The following CRB1 variants were observed in gnomAD, a reference collection of about 807,000 sequenced individuals.
CRB1 encodes crumbs cell polarity complex component 1, also known as protein crumbs homolog 1.
In CRB1, 83 loss-of-function variants were observed where a neutral mutation model predicts 120.0. The observed-to-expected ratio is 0.69, with a 90% CI of 0.58 to 0.83. CRB1 has a LOEUF of 0.83. Among genes scored for constraint, CRB1 ranks in the 40% least tolerant of loss-of-function variants. CRB1 has a pLI of 0.00. For synonymous variants in CRB1, 625 were observed against 612.5 expected (o/e 1.02, Z -0.30); for missense variants, 1,699 against 1,687.6 (o/e 1.01, Z -0.12).
At chr1:197,252,582 A>ATATGTGTGTGTGTGTGTGTGTG in the CRB1 span, among the ~76,000 whole-genome samples, 3 of 15,506 alleles carry the variant, frequency 1.9e-4, no homozygotes, top group Non-Finnish European at 4.2e-4. Flanking sequence ...ATATATATAT[A>ATATGTGTGTGTGTGTGTGTGTG]TGTGTGTGTG....
At position 197,462,531 on chromosome 1, in the gene CRB1, C is replaced by T. The variant is rs555374930; in HGVS notation, c.4006-15133C>T. Reference sequence around the variant, plus strand: ...GACTCCCTCAGTTTGCCCTGAAATACTCCCTTTGGTCCTAAAAACATTACG... The same window carrying T: ...GACTCCCTCAGTTTGCCCTGAAATATTCCCTTTGGTCCTAAAAACATTACG... On this transcript the variant is annotated intron_variant, in intron 11 of 11. Coordinates refer to ENST00000367400, the MANE Select transcript of CRB1 (RefSeq NM_201253.3). Among the ~76,000 whole-genome samples the T allele has an allele frequency of 4.6e-5, 7 of 152,248 alleles. 1 individual carries two copies. The highest frequency in any genetic ancestry group is 1.7e-4 in the African/African-American group (7 of 41,554).
the CRB1 span, among the ~76,000 whole-genome samples, chr1:197,202,047 T>C: frequency 2.6e-5 from 4 of 152,162 alleles, no homozygotes; most frequent in African/African-American, 9.7e-5. Flanking sequence ...ACTCGTATTA[T>C]GAAGCGCAAG....
intron 2 of CRB1, among the ~76,000 whole-genome samples, chr1:197,333,204 C>T (rs1326915135): frequency 6.6e-6 from 1 of 152,214 alleles, no homozygotes; most frequent in African/African-American, 2.4e-5. Flanking sequence ...AGGGTTCACA[C>T]TGCGTGAATT....
At chr1:197,285,644 AG>A (rs1655783797) in intron 1 of CRB1, among the ~76,000 whole-genome samples, 1 of 151,846 alleles carries the variant, frequency 6.6e-6, no homozygotes, top group South Asian at 2.1e-4. Flanking sequence ...ACTCTTCTTG[AG>A]GCATCGCAGT....
chr1:197,458,821 G>A (rs957580200), intron 11 of CRB1, among the ~76,000 whole-genome samples: 4 of 151,972 alleles, frequency 2.6e-5, no homozygotes, highest in Non-Finnish European at 4.4e-5. Flanking sequence ...TAGCTGTCAA[G>A]AAAAAAGAAA....
chr1:197,275,213 A>G (rs1558023013), intron 1 of CRB1, among the ~76,000 whole-genome samples: 1 of 152,070 alleles, frequency 6.6e-6, no homozygotes, highest in Non-Finnish European at 1.5e-5. Flanking sequence ...ACTTGATTAC[A>G]TCTGCAAAAA....
intron 5 of CRB1, among the ~76,000 whole-genome samples, chr1:197,388,307 A>G (rs960548963): frequency 2.7e-4 from 41 of 152,226 alleles, no homozygotes; most frequent in Middle Eastern, 6.8e-3. Context: ...AGTAGGGCAA[A>G]TGAATTTTCT....
intron 5 of CRB1, among the ~76,000 whole-genome samples, chr1:197,418,179 T>C (rs757390806): frequency 2.6e-5 from 4 of 152,228 alleles, no homozygotes; most frequent in Non-Finnish European, 5.9e-5. Context: ...ATACTTGTTA[T>C]TAATTTTTTT....
At chr1:197,255,192 G>T in the CRB1 span, among the ~76,000 whole-genome samples, 1 of 151,922 alleles carries the variant, frequency 6.6e-6, no homozygotes, top group Non-Finnish European at 1.5e-5. Context: ...TGCAAATCAA[G>T]GTGCACTGCC....
At chr1:197,208,454 G>A in the CRB1 span, among the ~76,000 whole-genome samples, 101 of 152,230 alleles carry the variant, frequency 6.6e-4, 2 homozygotes, top group South Asian at 0.021. Flanking sequence ...TAGGTATGTG[G>A]TTTCCTCAGA....
rs1019914833 is a variant in CRB1 at position 197,393,838 on chromosome 1, A to G, written c.1172-27162A>G. Among the ~76,000 whole-genome samples the G allele has an allele frequency of 9.9e-5, 15 of 152,208 alleles. No individual in the cohort carries two copies. In the East Asian group the frequency reaches 2.9e-3, roughly 29 times the overall value. ...TGCTTAAATCTATAAATGTATTTCA[A>G]TATGTATCGAGAAAACAGAATAAAG... is the stretch of plus-strand genomic sequence containing the variant. On this transcript the variant is annotated intron_variant, in intron 5 of 11. Coordinates refer to ENST00000367400, the MANE Select transcript of CRB1 (RefSeq NM_201253.3).
At chr1:197,397,999 AG>A (rs1406582727) in intron 5 of CRB1, among the ~76,000 whole-genome samples, 44 of 152,268 alleles carry the variant, frequency 2.9e-4, no homozygotes, top group African/African-American at 9.6e-4. Flanking sequence ...GTTGCCTCTG[AG>A]ATGTCCATCC....
At chr1:197,432,008 T>G (rs1177775393) in intron 8 of CRB1, among the ~76,000 whole-genome samples, 1 of 152,112 alleles carries the variant, frequency 6.6e-6, no homozygotes, top group Non-Finnish European at 1.5e-5. Context: ...AGCTGATAAA[T>G]TGCTCTGAGT....
In CRB1 at chr1:197,427,959, T is replaced by A; in HGVS notation, c.2634T>A (p.Leu878=). Residue 878 remains leucine, a synonymous_variant, in exon 7 of 12, where the codon CTT becomes CTA. Transcript: ENST00000367400. ...PTNNASLNPV[L]VNVTQGCAGD... ...ACAATGCATCTCTCAATCCAGTTCT[T>A]GTCAATGTAACCCAAGGCTGTGCTG... 1.2e-6 allele frequency: 2 copies of A among 1,614,012 alleles called. No homozygotes were observed. The highest frequency in any genetic ancestry group is 1.7e-6 in the Non-Finnish European group (2 of 1,179,964).
intron 11 of CRB1, among the ~76,000 whole-genome samples, chr1:197,449,460 G>A (rs112945295): frequency 3.9e-5 from 6 of 152,176 alleles, no homozygotes; most frequent in Non-Finnish European, 5.9e-5. Flanking sequence ...TCCGCCTGCC[G>A]GGTTCATGCC....
chr1:197,405,492 C>T (rs1168813653), intron 5 of CRB1, among the ~76,000 whole-genome samples: 2 of 152,026 alleles, frequency 1.3e-5, no homozygotes, highest in Admixed American at 6.5e-5. Flanking sequence ...TCTGCCCGGC[C>T]GCCACCCCGT....
chr1:197,391,854 AG>A (rs1176310373), intron 5 of CRB1, among the ~76,000 whole-genome samples: 1 of 152,134 alleles, frequency 6.6e-6, no homozygotes, highest in African/African-American at 2.4e-5. Context: ...AATATACAGC[AG>A]GGTGACAACT....
intron 11 of CRB1, among the ~76,000 whole-genome samples, chr1:197,449,019 C>T (rs1665830719): frequency 1.3e-5 from 2 of 152,138 alleles, no homozygotes; most frequent in South Asian, 4.1e-4. Context: ...TATCATGATA[C>T]ACTTATAGCT....
intron 1 of CRB1, among the ~76,000 whole-genome samples, chr1:197,273,094 T>A (rs920783818): frequency 3.9e-5 from 6 of 152,156 alleles, no homozygotes; most frequent in Admixed American, 2.6e-4. Flanking sequence ...ATCCAAGATA[T>A]CACAGTACAT....
Sources: allele counts gnomAD v4.1 joint callset (sites outside exome capture counted in the v4.1 genomes callset), GRCh38; gene constraint gnomAD v4.1.1; transcripts MANE v1.5; gene names NCBI Gene and HGNC (gene_info 2026-07-23, HGNC 2026-07-21).